Variants in STK3 observed in about 807,000 individuals in gnomAD.
The protein encoded by STK3 is serine/threonine kinase 3.
STK3 carries 41 observed loss-of-function variants against 58.0 expected under a neutral mutation model. That is an observed-to-expected ratio of 0.71 (90% CI 0.55 to 0.92). The LOEUF (loss-of-function observed/expected upper bound fraction) is 0.92, where lower values mean the gene tolerates loss of function less well. STK3 is among the 40% of genes least tolerant of loss of function. STK3 has a pLI of 0.00. For missense variants in STK3, 479 were observed against 602.7 expected (o/e 0.79, Z 2.15); for synonymous variants, 170 against 191.0 (o/e 0.89, Z 0.91).
intron 1 of STK3, among the ~76,000 whole-genome samples, chr8:98,923,905 C>A (rs1839684126): frequency 6.8e-6 from 1 of 147,188 alleles, no homozygotes. Flanking sequence ...GAATTTGGAA[C>A]CATATCAATA....
At chr8:98,491,127 T>G (rs1822649017) in intron 10 of STK3, among the ~76,000 whole-genome samples, 1 of 151,464 alleles carries the variant, frequency 6.6e-6, no homozygotes, top group African/African-American at 2.4e-5. Context: ...GTGGCATCCT[T>G]CCATCCCTCT....
At chr8:98,777,865 T>C (rs369223976) in intron 1 of STK3, among the ~76,000 whole-genome samples, 10 of 152,264 alleles carry the variant, frequency 6.6e-5, no homozygotes, top group African/African-American at 9.6e-5. Context: ...TTACACCTTA[T>C]ACAAAAATTA....
intron 6 of STK3, chr8:98,597,848 C>T (rs559996650): frequency 1.1e-5 from 11 of 982,850 alleles, no homozygotes; most frequent in South Asian, 4.7e-5. Context: ...ACATATGAAA[C>T]GAATAGCAAA....
intron 1 of STK3, among the ~76,000 whole-genome samples, chr8:98,787,096 G>C (rs780032726): frequency 4.1e-5 from 6 of 146,268 alleles, no homozygotes; most frequent in Non-Finnish European, 7.4e-5. Flanking sequence ...TTGAACCCAG[G>C]AGCTGGAGGT....
At chr8:98,460,165 T>C (rs1482848700) in intron 10 of STK3, among the ~76,000 whole-genome samples, 3 of 152,222 alleles carry the variant, frequency 2.0e-5, no homozygotes, top group African/African-American at 4.8e-5. Context: ...CCCAAGACCA[T>C]GGGAGCCCAC....
intron 8 of STK3, among the ~76,000 whole-genome samples, chr8:98,551,223 T>G (rs1390405742): frequency 6.6e-6 from 1 of 152,190 alleles, no homozygotes; most frequent in African/African-American, 2.4e-5. Context: ...TTGTTAATTA[T>G]TCTCTTTTCT....
Position 98,429,133 on chromosome 8 carries a change from C to G in STK3, n.483+4994G>C, listed in dbSNP as rs201873843. The G allele has an allele frequency of 1.9e-6, 3 of 1,613,232 alleles. No individual in the cohort carries two copies. In the Admixed American group the frequency reaches 5.0e-5, roughly 27 times the overall value. ...TACGGGGATGTGGTCCCAGGGACCA[C>G]GGCAGGAAAGCTGACTGCCTCTGCC... On this transcript the variant is annotated intron_variant and non_coding_transcript_variant, in intron 3 of 3. Transcript: ENST00000517832.
intron 1 of STK3, among the ~76,000 whole-genome samples, chr8:98,785,661 T>C (rs1385195928): frequency 6.6e-6 from 1 of 152,042 alleles, no homozygotes; most frequent in Admixed American, 6.6e-5. Context: ...ATCAAATATA[T>C]ACCCAGTCAC....
chr8:98,738,031 A>C, intron 4 of STK3, among the ~76,000 whole-genome samples: 1 of 152,228 alleles, frequency 6.6e-6, no homozygotes, highest in South Asian at 2.1e-4. Context: ...AAGAGGATTT[A>C]AAAATGCATT....
At chr8:98,752,378 G>T (rs2131369244) in intron 3 of STK3, among the ~76,000 whole-genome samples, 1 of 152,330 alleles carries the variant, frequency 6.6e-6, no homozygotes, top group East Asian at 1.9e-4. Context: ...AATAAATGGT[G>T]CTGGGATAAC....
intron 1 of STK3, among the ~76,000 whole-genome samples, chr8:98,813,909 T>C (rs1046302766): frequency 6.6e-6 from 1 of 152,204 alleles, no homozygotes; most frequent in African/African-American, 2.4e-5. Context: ...ATTCATGTTC[T>C]AGTAAAATAA....
Position 98,413,647 on chromosome 8 carries a change from C to T in STK3, n.484-12134G>A, listed in dbSNP as rs1381565318. The stretch of plus-strand genomic sequence containing the variant: ...AGGTCTGCCAGTTTCTCCTCACAAA[C>T]CGTAGAAAAGCAGTTGAGGAACTCT... On this transcript the variant is annotated intron_variant and non_coding_transcript_variant, in intron 3 of 3. Transcript: ENST00000517832. 4 of 780,568 alleles carry T rather than the reference C, an allele frequency of 5.1e-6. No individual in the cohort carries two copies. The East Asian group carries it at 1.1e-4, about 21-fold the overall frequency. The allele number at this position is 780,568 out of a possible 1,614,324, so 48.4% of individuals were successfully genotyped here. A position where few individuals can be genotyped will look rare whatever the true frequency, so the allele number is the denominator to read the frequency against.
At chr8:98,511,946 C>T (rs886294926) in intron 10 of STK3, among the ~76,000 whole-genome samples, 1 of 151,646 alleles carries the variant, frequency 6.6e-6, no homozygotes, top group Non-Finnish European at 1.5e-5. Flanking sequence ...GAAAAAAATC[C>T]CACTTGCATA....
At chr8:98,519,218 CT>C (rs1412864581) in intron 10 of STK3, among the ~76,000 whole-genome samples, 1 of 152,066 alleles carries the variant, frequency 6.6e-6, no homozygotes, top group African/African-American at 2.4e-5. Flanking sequence ...GCCAATATCT[CT>C]TTTAAAACCA....
intron 7 of STK3, among the ~76,000 whole-genome samples, chr8:98,582,118 C>T (rs1440705159): frequency 6.6e-6 from 1 of 152,096 alleles, no homozygotes; most frequent in Admixed American, 6.6e-5. Flanking sequence ...TTTTAAAATA[C>T]ATCATCAAGA....
At chr8:98,880,119 G>GTGGTGGTACATGCCTGTAA (rs1279129380), downstream of STK3, 1 of 152,130 alleles carries the variant, frequency 6.6e-6, no homozygotes, top group African/African-American at 2.4e-5. Context: ...TTAGCCAGGT[G>GTGGTGGTACATGCCTGTAA]TGGTGGTACA....
chr8:98,483,351 G>C (rs1184780838), intron 10 of STK3, among the ~76,000 whole-genome samples: 2 of 152,124 alleles, frequency 1.3e-5, no homozygotes, highest in African/African-American at 4.8e-5. Flanking sequence ...ATACAGGATG[G>C]TCATGCTCTC....
At chr8:98,883,419 A>G (rs1837869889), downstream of STK3, 2 of 464,440 alleles carry the variant, frequency 4.3e-6, no homozygotes, top group East Asian at 3.8e-5. Flanking sequence ...AATACAGCAT[A>G]TTACAAAATT....
At chr8:98,409,441 C>A (rs1351166781) in intron 3 of STK3, among the ~76,000 whole-genome samples, 1 of 152,212 alleles carries the variant, frequency 6.6e-6, no homozygotes, top group Non-Finnish European at 1.5e-5. Flanking sequence ...GTCTCTACTT[C>A]TCTTCCTTCC....
Sources: gnomAD v4.1 joint callset for allele counts (sites outside exome capture counted in the v4.1 genomes callset) on GRCh38, gnomAD v4.1.1 for gene constraint, MANE v1.5 for transcripts, NCBI Gene and HGNC (gene_info 2026-07-23, HGNC 2026-07-21) for gene names.